Variants in DCAF10 observed in about 807,000 individuals in gnomAD.
DCAF10 encodes DDB1- and CUL4-associated factor 10.
In DCAF10, 19 loss-of-function variants were observed where a neutral mutation model predicts 51.9. The ratio of observed to expected loss-of-function variants is 0.37; its 90% CI spans 0.26 to 0.54. The LOEUF (loss-of-function observed/expected upper bound fraction) is 0.54, where lower values mean the gene tolerates loss of function less well. Among genes scored for constraint, DCAF10 ranks in the 20% least tolerant of loss-of-function variants. The probability of loss-of-function intolerance (pLI) is 0.87; values close to 1 mark genes in which losing one functional copy is unlikely to be tolerated. For missense variants in DCAF10, 510 were observed against 730.6 expected (o/e 0.70, Z 3.48); for synonymous variants, 291 against 297.1 (o/e 0.98, Z 0.21).
rs942217059 is a variant in DCAF10, at chr9:37,866,330, A to G, written c.*4822A>G. 2 of 152,644 alleles carry G rather than the reference A, an allele frequency of 1.3e-5. No individual in the cohort carries two copies. Among genetic ancestry groups the G allele is most frequent in the Non-Finnish European group, 2.9e-5 (2 of 68,044 alleles). 9.5% of individuals were successfully genotyped at this position (152,644 alleles called of 1,614,324 possible). Reference sequence around the variant, plus strand: ...AAAGTTAAAGTTATATTCATAATGTATTATTATAAGTATCCAGCTCTGATG... The same window carrying G: ...AAAGTTAAAGTTATATTCATAATGTGTTATTATAAGTATCCAGCTCTGATG... On this transcript the variant is annotated 3_prime_UTR_variant, in exon 7 of 7. Coordinates refer to ENST00000377724, the MANE Select transcript of DCAF10 (RefSeq NM_024345.5).
At position 37,801,012 on chromosome 9, in the gene DCAF10, C is replaced by T; in HGVS notation, c.146C>T (p.Pro49Leu). The change falls in exon 1 of 7, where the codon CCA becomes CTA. Residue 49 changes from proline (P) to leucine (L), a missense_variant. By Grantham distance (98) the Pro-to-Leu change is moderately conservative. Transcript: ENST00000377724. The surrounding 1 kb of genome is among the most constrained non-coding windows in gnomAD (Gnocchi z 5.5). ...HPGADATHPPPPARSPRRPGA... is the reference protein window; with the variant it reads ...HPGADATHPPLPARSPRRPGA... ...GGGGCTGATGCGACCCATCCCCCTC[C>T]ACCCGCCCGAAGCCCTCGCCGCCCC... is the stretch of plus-strand genomic sequence containing the variant. The T allele has an allele frequency of 1.3e-6, 2 of 1,539,954 alleles. No homozygotes were observed. The highest frequency in any genetic ancestry group is 2.3e-4 in the Middle Eastern group (1 of 4,326).
intron 2 of DCAF10, among the ~76,000 whole-genome samples, chr9:37,825,558 G>A (rs1031623720): frequency 2.0e-5 from 3 of 152,186 alleles, no homozygotes; most frequent in African/African-American, 4.8e-5. Flanking sequence ...AGCAACAGAC[G>A]CTGGGGCCTT....
chr9:37,836,233 A>G, intron 2 of DCAF10: 1 of 1,543,564 alleles, frequency 6.5e-7, no homozygotes, highest in Middle Eastern at 1.9e-4. Context: ...GAGTTAGAAC[A>G]TCTAACTGGA....
chr9:37,801,753 G>A lies in DCAF10; in HGVS notation c.539+348G>A, dbSNP rs1248264750. Among the ~76,000 whole-genome samples the A allele has an allele frequency of 6.6e-6, 1 of 152,182 alleles. No individual in the cohort carries two copies. On this transcript the variant is annotated intron_variant, in intron 1 of 6. Transcript: ENST00000377724. This position sits in a 1 kb window ranked among gnomAD's most constrained non-coding sequence, Gnocchi z 5.5. ...GTAAATACATTTTGAATAAATGCCC[G>A]CTTTCTCCCCATCATCCTAGGCTCG...
chr9:37,800,962 C>A lies in DCAF10; in HGVS notation c.96C>A (p.Thr32=), dbSNP rs942143789. The A allele has an allele frequency of 1.6e-5, 24 of 1,505,608 alleles. No homozygotes were observed. Among genetic ancestry groups the A allele is most frequent in the Non-Finnish European group, 1.9e-5 (22 of 1,135,242 alleles). 93.3% of individuals were successfully genotyped at this position (1,505,608 alleles called of 1,614,324 possible). Residue 32 remains threonine (T), a synonymous_variant, in exon 1 of 7, where the codon ACC becomes ACA. Transcript: ENST00000377724. The part of the protein sequence containing the change: ...PTPHEGQAAA[T]GPPSPLHPGA... ...CCCACGAGGGGCAGGCAGCAGCCAC[C>A]GGGCCGCCCTCGCCACTACATCCCG...
At chr9:37,843,977 G>C (rs1489055226) in intron 3 of DCAF10, among the ~76,000 whole-genome samples, 2 of 152,090 alleles carry the variant, frequency 1.3e-5, no homozygotes, top group Non-Finnish European at 2.9e-5. Context: ...ACAATTATAC[G>C]TCAAAGACAA....
rs200999846 is a variant in DCAF10 at position 37,839,428 on chromosome 9, TG to T, written c.654-2657del. On this transcript the variant is annotated intron_variant, in intron 2 of 6. Coordinates refer to ENST00000377724, the MANE Select transcript of DCAF10 (RefSeq NM_024345.5). ...TTATCGTTATTTTTAAAATAAGAGA[TG>T]GGGTTTCGTCATGTTGCCCAGGCTG... Among the ~76,000 whole-genome samples the T allele has an allele frequency of 7.4e-3, 1,126 of 152,258 alleles. 18 individuals are homozygous for T. The highest frequency in any genetic ancestry group is 0.026 in the African/African-American group (1,073 of 41,534).
rs1005642313 is a variant in DCAF10, at chr9:37,829,502, A to G, written c.653+10101A>G. On this transcript the variant is annotated intron_variant, in intron 2 of 6. Coordinates refer to ENST00000377724, the MANE Select transcript of DCAF10 (RefSeq NM_024345.5). The surrounding 1 kb of genome is among the most constrained non-coding windows in gnomAD (Gnocchi z 4.2). ...ACTACAATGAAGAATAACTACAGAAAGATGTTCAAGCTTATCATTTATTAT... is the reference window on the plus strand; with the variant it reads ...ACTACAATGAAGAATAACTACAGAAGGATGTTCAAGCTTATCATTTATTAT... 6.6e-6 allele frequency among the ~76,000 whole-genome samples: 1 copy of G among 152,178 alleles called. No homozygotes were observed. Among genetic ancestry groups the G allele is most frequent in the East Asian group, 1.9e-4 (1 of 5,204 alleles).
chr9:37,814,371 A>G (rs1829465448), intron 1 of DCAF10, among the ~76,000 whole-genome samples: 1 of 144,238 alleles, frequency 6.9e-6, no homozygotes, highest in Non-Finnish European at 1.5e-5. Flanking sequence ...CCTGGTCTCA[A>G]ACTCCTGACC....
chr9:37,860,653 T>A (rs1324573272), intron 6 of DCAF10, among the ~76,000 whole-genome samples: 1 of 152,180 alleles, frequency 6.6e-6, no homozygotes, highest in Non-Finnish European at 1.5e-5. Flanking sequence ...AGGAAGGGAC[T>A]ATACTGATGA....
chr9:37,836,783 T>A (rs553790096), intron 2 of DCAF10, among the ~76,000 whole-genome samples: 1 of 152,242 alleles, frequency 6.6e-6, no homozygotes, highest in South Asian at 2.1e-4. Context: ...TTTTTTTTTT[T>A]AAGATTCCTA....
chr9:37,808,504 AC>A (rs1370678318), intron 1 of DCAF10, among the ~76,000 whole-genome samples: 2 of 122,374 alleles, frequency 1.6e-5, no homozygotes, highest in Non-Finnish European at 3.2e-5. Flanking sequence ...AATATATAAA[AC>A]ATATATTTAT....
chr9:37,837,145 T>A (rs775029283), intron 2 of DCAF10, among the ~76,000 whole-genome samples: 1 of 152,070 alleles, frequency 6.6e-6, no homozygotes, highest in Non-Finnish European at 1.5e-5. Flanking sequence ...CAAAATTGCA[T>A]AGAAATAATG....
At chr9:37,814,936 C>G (rs1829480898) in intron 1 of DCAF10, among the ~76,000 whole-genome samples, 1 of 151,980 alleles carries the variant, frequency 6.6e-6, no homozygotes, top group African/African-American at 2.4e-5. Flanking sequence ...TGCAATTTCG[C>G]TGAAGAATAA....
chr9:37,815,667 A>G lies in DCAF10; in HGVS notation c.540-3621A>G, dbSNP rs114217029. Among the ~76,000 whole-genome samples the G allele has an allele frequency of 5.3e-3, 802 of 152,318 alleles. 5 individuals carry two copies. The highest frequency in any genetic ancestry group is 0.018 in the African/African-American group (765 of 41,570). On this transcript the variant is annotated intron_variant, in intron 1 of 6. Coordinates refer to ENST00000377724, the MANE Select transcript of DCAF10 (RefSeq NM_024345.5). ...TCTCCAATAAAAAAAAAAAATAGGA[A>G]GAACAAAGCAATTATTTTTAGATGG...
chr9:37,816,659 G>GGGGGGTGTGTGTGTGTGTGT (rs372664140), intron 1 of DCAF10, among the ~76,000 whole-genome samples: 7,311 of 144,756 alleles, frequency 0.051, 224 homozygotes, highest in Non-Finnish European at 0.073. Flanking sequence ...CTGCACCTGG[G>GGGGGGTGTGTGTGTGTGTGT]GTGTGTGTGT....
chr9:37,850,972 G>T (rs942106462), intron 3 of DCAF10, among the ~76,000 whole-genome samples: 1 of 150,166 alleles, frequency 6.7e-6, no homozygotes, highest in Non-Finnish European at 1.5e-5. Context: ...GGCCTGGTGC[G>T]GTAGCTCATG....
Position 37,861,665 on chromosome 9 carries a change from C to A in DCAF10, c.*157C>A. ...CACACTTGTGACCTTAGTACTTGGT[C>A]ATCCAGCATCATACAGGCATCTCCA... On this transcript the variant is annotated 3_prime_UTR_variant, in exon 7 of 7. Transcript: ENST00000377724. The surrounding 1 kb of genome is among the most constrained non-coding windows in gnomAD (Gnocchi z 4.9). The A allele has an allele frequency of 3.0e-6, 3 of 1,002,142 alleles. No individual in the cohort carries two copies. The highest frequency in any genetic ancestry group is 4.3e-6 in the Non-Finnish European group (3 of 703,714). 62.1% of individuals were successfully genotyped at this position (1,002,142 alleles called of 1,614,324 possible). A position where few individuals can be genotyped will look rare whatever the true frequency, so the allele number is the denominator to read the frequency against.
intron 1 of DCAF10, among the ~76,000 whole-genome samples, chr9:37,808,064 A>G (rs1829176455): frequency 6.6e-6 from 1 of 152,186 alleles, no homozygotes; most frequent in African/African-American, 2.4e-5. Context: ...ATTTTCACAT[A>G]TGAGACCACA....
Sources: allele counts gnomAD v4.1 joint callset (sites outside exome capture counted in the v4.1 genomes callset), GRCh38; gene constraint gnomAD v4.1.1; non-coding constraint Gnocchi (gnomAD v3.1); transcripts MANE v1.5; gene names NCBI Gene and HGNC (gene_info 2026-07-23, HGNC 2026-07-21).